SLC1A1: variants seen among roughly 807,000 people sequenced by gnomAD.
SLC1A1 encodes solute carrier family 1 member 1, also known as excitatory amino acid transporter 3.
SLC1A1 carries 43 observed loss-of-function variants against 53.3 expected under a neutral mutation model. The ratio of observed to expected loss-of-function variants is 0.81; its 90% CI spans 0.63 to 1.04. The LOEUF (loss-of-function observed/expected upper bound fraction) is 1.04. Ranked by LOEUF, SLC1A1 falls within the 50% of genes least tolerant of loss-of-function variation. The pLI, the probability that SLC1A1 is intolerant of heterozygous loss-of-function variation, is 0.00. For synonymous variants in SLC1A1, 307 were observed against 243.2 expected (o/e 1.26, Z -2.44); for missense variants, 748 against 664.9 (o/e 1.12, Z -1.37).
intron 3 of SLC1A1, among the ~76,000 whole-genome samples, chr9:4,562,004 T>G (rs1301246910): frequency 6.6e-6 from 1 of 151,736 alleles, no homozygotes; most frequent in Non-Finnish European, 1.5e-5. Context: ...GGGATCTGCC[T>G]GCCTCAGCCT....
chr9:4,520,832 A>T (rs1816043974), intron 1 of SLC1A1, among the ~76,000 whole-genome samples: 1 of 152,218 alleles, frequency 6.6e-6, no homozygotes, highest in African/African-American at 2.4e-5. Flanking sequence ...TTTTTGAGGA[A>T]CTGCCAAACA....
At chr9:4,582,933 C>T (rs868521239) in intron 10 of SLC1A1, 105 bp from the exon 11 acceptor site, 2 of 1,415,356 alleles carry the variant, frequency 1.4e-6, no homozygotes, top group Non-Finnish European at 2.0e-6. Flanking sequence ...TTTAGGGACA[C>T]AGCAGTAATA....
intron 8 of SLC1A1, among the ~76,000 whole-genome samples, chr9:4,575,401 G>T (rs1820450771): frequency 6.6e-6 from 1 of 152,202 alleles, no homozygotes; most frequent in Non-Finnish European, 1.5e-5. Flanking sequence ...CTAAAGTATG[G>T]CTGTGGAAGA....
chr9:4,517,926 A>G (rs919009537), intron 1 of SLC1A1, among the ~76,000 whole-genome samples: 3 of 152,030 alleles, frequency 2.0e-5, no homozygotes, highest in African/African-American at 7.2e-5. Flanking sequence ...TTTCAACCCT[A>G]TCTTTAAGAA....
chr9:4,583,077 G>C lies in SLC1A1; in HGVS notation c.1233G>C (p.Val411=). ...ATSASIGAAG[V]PQAGLVTMVI... ...CTGCCAGCATCGGAGCTGCTGGCGT[G>C]CCCCAGGCTGGCCTGGTGACCATGG... is the stretch of plus-strand genomic sequence containing the variant. The change falls in exon 11 of 12, where the codon GTG becomes GTC. Residue 411 remains valine (V), a synonymous_variant. Transcript: ENST00000262352. The surrounding 1 kb of genome is among the most constrained non-coding windows in gnomAD (Gnocchi z 4.6). The C allele has an allele frequency of 6.2e-7, 1 of 1,614,222 alleles. No individual in the cohort carries two copies. The highest frequency in any genetic ancestry group is 8.5e-7 in the Non-Finnish European group (1 of 1,180,040).
At chr9:4,529,314 T>A (rs983523612) in intron 1 of SLC1A1, among the ~76,000 whole-genome samples, 1 of 152,292 alleles carries the variant, frequency 6.6e-6, no homozygotes, top group African/African-American at 2.4e-5. Context: ...TACCTAATTA[T>A]GGGCCACACT....
intron 1 of SLC1A1, among the ~76,000 whole-genome samples, chr9:4,541,935 C>A (rs143843811): frequency 6.6e-6 from 1 of 152,246 alleles, no homozygotes; most frequent in East Asian, 1.9e-4. Flanking sequence ...GAGACTCTGA[C>A]CTCTTCTTGG....
chr9:4,528,110 T>C (rs919236544), intron 1 of SLC1A1, among the ~76,000 whole-genome samples: 2 of 152,156 alleles, frequency 1.3e-5, no homozygotes, highest in African/African-American at 2.4e-5. Flanking sequence ...ATGGACACTT[T>C]GATGCATACC....
At chr9:4,527,315 C>G (rs962304676) in intron 1 of SLC1A1, among the ~76,000 whole-genome samples, 1 of 152,160 alleles carries the variant, frequency 6.6e-6, no homozygotes, top group Non-Finnish European at 1.5e-5. Flanking sequence ...TGCTCAGACT[C>G]CTGATCCATG....
In SLC1A1 at chr9:4,501,502, C is replaced by T. The variant is rs144088103; in HGVS notation, c.91+10732C>T. Among the ~76,000 whole-genome samples, 30 of 151,820 alleles carry T rather than the reference C, an allele frequency of 2.0e-4. 1 individual carries two copies. The highest frequency in any genetic ancestry group is 6.6e-4 in the African/African-American group (27 of 41,100). ...GCACTTTGGCCAGGTACGGTGCTCA[C>T]GCCTGTAATCCCAGAACTTTGGGAG... On this transcript the variant is annotated intron_variant, in intron 1 of 11. Coordinates refer to ENST00000262352, the MANE Select transcript of SLC1A1 (RefSeq NM_004170.6).
At chr9:4,524,514 T>C (rs1240223619) in intron 1 of SLC1A1, among the ~76,000 whole-genome samples, 1 of 152,164 alleles carries the variant, frequency 6.6e-6, no homozygotes, top group East Asian at 1.9e-4. Flanking sequence ...TCTAGACCTG[T>C]CTTAATCTGT....
chr9:4,515,520 A>T (rs1447256583), intron 1 of SLC1A1, among the ~76,000 whole-genome samples: 1 of 152,160 alleles, frequency 6.6e-6, no homozygotes, highest in African/African-American at 2.4e-5. Flanking sequence ...ACAGATAGAG[A>T]TGGAAATGGA....
At position 4,564,270 on chromosome 9, in the gene SLC1A1, G is replaced by A. The variant is rs1586807822; in HGVS notation, c.326-74G>A. On this transcript the variant is annotated intron_variant, in intron 3 of 11. Coordinates refer to ENST00000262352, the MANE Select transcript of SLC1A1 (RefSeq NM_004170.6). ...ATTGCCTGGTACAACCATGCCCATT[G>A]TTCTAAAGGTGCCAGCTGTGCCAGG... is the stretch of plus-strand genomic sequence containing the variant. 7 of 992,760 alleles carry A rather than the reference G, an allele frequency of 7.1e-6. No homozygotes were observed. In the East Asian group the frequency reaches 1.8e-4, roughly 25 times the overall value. The allele number at this position is 992,760 out of a possible 1,614,324, so 61.5% of individuals were successfully genotyped here.
rs953705121 is a variant in SLC1A1, at chr9:4,549,624, T to A, written c.232+4917T>A. Among the ~76,000 whole-genome samples, 4 of 152,050 alleles carry A rather than the reference T, an allele frequency of 2.6e-5. No individual in the cohort carries two copies. The highest frequency in any genetic ancestry group is 9.7e-5 in the African/African-American group (4 of 41,404). ...ACACCAAGTTCTAAGAAGGAAAAAT[T>A]CCGCTATCACACAGGCCATCCTGTC... On this transcript the variant is annotated intron_variant, in intron 2 of 11. Coordinates refer to ENST00000262352, the MANE Select transcript of SLC1A1 (RefSeq NM_004170.6). The surrounding 1 kb of genome is among the most constrained non-coding windows in gnomAD (Gnocchi z 4.1).
chr9:4,571,091 T>G (rs1819991559), intron 6 of SLC1A1, among the ~76,000 whole-genome samples: 1 of 152,058 alleles, frequency 6.6e-6, no homozygotes, highest in African/African-American at 2.4e-5. Context: ...GGGACACGGA[T>G]GGAGCTAGAG....
chr9:4,577,225 T>C (rs1458913318), intron 10 of SLC1A1, among the ~76,000 whole-genome samples: 1 of 152,174 alleles, frequency 6.6e-6, no homozygotes, highest in Non-Finnish European at 1.5e-5. Context: ...AGCTGAATCT[T>C]AGAAGAATAG....
At chr9:4,574,467 A>T (rs1820359818) in intron 8 of SLC1A1, among the ~76,000 whole-genome samples, 1 of 152,232 alleles carries the variant, frequency 6.6e-6, no homozygotes, top group South Asian at 2.1e-4. Context: ...TGGTTCAAAC[A>T]CTGTTGCTGG....
chr9:4,565,686 TG>T (rs1819419304), intron 4 of SLC1A1, among the ~76,000 whole-genome samples: 2 of 152,144 alleles, frequency 1.3e-5, no homozygotes. Flanking sequence ...GAGATTTGGG[TG>T]GGGACACAGA....
chr9:4,490,674 A>C lies in SLC1A1; in HGVS notation c.-6A>C. 2 of 1,611,956 alleles carry C rather than the reference A, an allele frequency of 1.2e-6. No individual in the cohort carries two copies. Among genetic ancestry groups the C allele is most frequent in the Non-Finnish European group, 1.7e-6 (2 of 1,178,516 alleles). ...CCGAGCCCAGCGCACAATAGCGGCG[A>C]CAGCCATGGGGAAACCGGCGAGGAA... On this transcript the variant is annotated 5_prime_UTR_variant, in exon 1 of 12. Coordinates refer to ENST00000262352, the MANE Select transcript of SLC1A1 (RefSeq NM_004170.6).
Sources: allele counts gnomAD v4.1 joint callset (sites outside exome capture counted in the v4.1 genomes callset), GRCh38; gene constraint gnomAD v4.1.1; non-coding constraint Gnocchi (gnomAD v3.1); transcripts MANE v1.5; gene names NCBI Gene and HGNC (gene_info 2026-07-23, HGNC 2026-07-21).